Variants in LUZP2 observed in about 807,000 individuals in gnomAD.
LUZP2 encodes the protein leucine zipper protein 2.
Under a neutral mutation model 51.6 loss-of-function variants are expected in LUZP2, and 52 were observed. The ratio of observed to expected loss-of-function variants is 1.01; its 90% CI spans 0.81 to 1.27. The LOEUF (loss-of-function observed/expected upper bound fraction) is 1.27, where lower values mean the gene tolerates loss of function less well. LUZP2 is among the 50% of genes most tolerant of loss of function. The pLI, the probability that LUZP2 is intolerant of heterozygous loss-of-function variation, is 0.00. For missense variants in LUZP2, 436 were observed against 395.4 expected, an observed-to-expected ratio of 1.10 and a Z score of -0.87; for synonymous variants, 154 against 137.3, an observed-to-expected ratio of 1.12 and a Z score of -0.85.
At chr11:24,565,765 C>T (rs1265319656) in intron 1 of LUZP2, among the ~76,000 whole-genome samples, 1 of 152,010 alleles carries the variant, frequency 6.6e-6, no homozygotes, top group Non-Finnish European at 1.5e-5. Flanking sequence ...AGTGCCTTAC[C>T]ACAAACCAAA....
At chr11:24,574,196 T>G (rs914836972) in intron 1 of LUZP2, among the ~76,000 whole-genome samples, 1 of 140,006 alleles carries the variant, frequency 7.1e-6, no homozygotes, top group East Asian at 2.1e-4. Context: ...CTTTCTTTCT[T>G]TCTCTTTCTT....
chr11:24,820,113 A>T (rs1850312497), intron 5 of LUZP2, among the ~76,000 whole-genome samples: 1 of 152,142 alleles, frequency 6.6e-6, no homozygotes, highest in East Asian at 1.9e-4. Flanking sequence ...TAGTGAGACA[A>T]AAGAAAAAAA....
chr11:24,657,471 A>G (rs1021781133), intron 1 of LUZP2, among the ~76,000 whole-genome samples: 9 of 152,340 alleles, frequency 5.9e-5, no homozygotes, highest in African/African-American at 1.9e-4. Context: ...AGCCAATATC[A>G]TAATGAATGG....
intron 5 of LUZP2, among the ~76,000 whole-genome samples, chr11:24,796,269 T>C (rs1360335514): frequency 6.6e-6 from 1 of 152,086 alleles, no homozygotes; most frequent in East Asian, 1.9e-4. Flanking sequence ...CATGGGTTAG[T>C]CTTTTTGAAT....
At chr11:24,600,174 AACACACACACACAC>A (rs61439379) in intron 1 of LUZP2, among the ~76,000 whole-genome samples, 2,398 of 144,178 alleles carry the variant, frequency 0.017, 53 homozygotes, top group African/African-American at 0.056. Flanking sequence ...TGTAGATTAC[AACACACACACACAC>A]ACACACACAC....
chr11:24,641,197 G>A (rs550217010), intron 1 of LUZP2, among the ~76,000 whole-genome samples: 12 of 151,272 alleles, frequency 7.9e-5, no homozygotes, highest in East Asian at 3.9e-4. Context: ...TTACAGACAT[G>A]AGCCATCTTA....
chr11:25,001,983 G>A (rs951560971), intron 9 of LUZP2, among the ~76,000 whole-genome samples: 2 of 152,212 alleles, frequency 1.3e-5, no homozygotes, highest in South Asian at 4.1e-4. Context: ...TTGGGTTTTT[G>A]CACTGAGTGC....
intron 9 of LUZP2, among the ~76,000 whole-genome samples, chr11:24,995,155 G>C (rs561742115): frequency 2.0e-5 from 3 of 152,278 alleles, no homozygotes; most frequent in African/African-American, 7.2e-5. Flanking sequence ...TTTGGAGGCC[G>C]AGGCAGGTGA....
chr11:24,854,564 G>T (rs1459301662), intron 5 of LUZP2, among the ~76,000 whole-genome samples: 4 of 152,100 alleles, frequency 2.6e-5, no homozygotes, highest in African/African-American at 7.2e-5. Context: ...CTCCATGGGG[G>T]TGGGATCCGC....
At chr11:24,803,996 G>GA (rs75845899) in intron 5 of LUZP2, among the ~76,000 whole-genome samples, 8,859 of 106,024 alleles carry the variant, frequency 0.084, 646 homozygotes, top group African/African-American at 0.19. Context: ...TGCCATAAAG[G>GA]AAAAAAAAAA....
chr11:24,867,641 A>C (rs1330960325), intron 5 of LUZP2, among the ~76,000 whole-genome samples: 1 of 152,104 alleles, frequency 6.6e-6, no homozygotes, highest in East Asian at 1.9e-4. Flanking sequence ...ACAGGGTCTC[A>C]CTGTTTCTAA....
intron 1 of LUZP2, among the ~76,000 whole-genome samples, chr11:24,640,242 G>A (rs930874282): frequency 6.6e-6 from 1 of 151,918 alleles, no homozygotes; most frequent in Non-Finnish European, 1.5e-5. Flanking sequence ...AAAGACTCCT[G>A]TGTATGTTTA....
In LUZP2 at chr11:24,984,548, AT is replaced by A. The variant is rs777834692; in HGVS notation, c.765+1256del. ...TTTATATATATATATATATATATAT[AT>A]AATTGTGAATTTTAAAAGCCACAAG... On this transcript the variant is annotated intron_variant, in intron 9 of 11. Coordinates refer to ENST00000336930, the MANE Select transcript of LUZP2 (RefSeq NM_001009909.4). Among the ~76,000 whole-genome samples, 377 of 110,920 alleles carry A rather than the reference AT, an allele frequency of 3.4e-3. 9 individuals carry two copies. The highest frequency in any genetic ancestry group is 4.8e-3 in the Non-Finnish European group (266 of 55,938). The allele number at this position is 110,920 out of a possible 152,430, so 72.8% of individuals were successfully genotyped here. A position where few individuals can be genotyped will look rare whatever the true frequency, so the allele number is the denominator to read the frequency against.
At chr11:24,499,484 T>C (rs938225019) in intron 1 of LUZP2, among the ~76,000 whole-genome samples, 5 of 152,214 alleles carry the variant, frequency 3.3e-5, no homozygotes, top group Non-Finnish European at 7.3e-5. Flanking sequence ...ACAGTTGTGT[T>C]AGTAGGGATG....
chr11:24,578,078 G>T lies in LUZP2; in HGVS notation c.62+80773G>T, dbSNP rs540743712. Among the ~76,000 whole-genome samples, 4 of 151,950 alleles carry T rather than the reference G, an allele frequency of 2.6e-5. No individual in the cohort carries two copies. The South Asian group carries it at 8.3e-4, about 32-fold the overall frequency. Reference sequence around the variant, plus strand: ...TCATACAATGTTTTCTTTCTAGACTGGGAGAAAGAAAATGGAAAAACTCAA... The same window carrying T: ...TCATACAATGTTTTCTTTCTAGACTTGGAGAAAGAAAATGGAAAAACTCAA... On this transcript the variant is annotated intron_variant, in intron 1 of 11. Transcript: ENST00000336930.
chr11:25,070,920 C>T (rs926661249), intron 10 of LUZP2, among the ~76,000 whole-genome samples: 19 of 151,900 alleles, frequency 1.3e-4, no homozygotes, highest in African/African-American at 4.6e-4. Flanking sequence ...TGAAAAGGTT[C>T]CCTTCTTTGA....
chr11:24,649,883 A>T (rs1382934078), intron 1 of LUZP2, among the ~76,000 whole-genome samples: 1 of 151,812 alleles, frequency 6.6e-6, no homozygotes, highest in African/African-American at 2.4e-5. Flanking sequence ...AATTAAGTTC[A>T]TTTATTTTTA....
intron 5 of LUZP2, among the ~76,000 whole-genome samples, chr11:24,785,605 G>A (rs1849223166): frequency 1.3e-5 from 2 of 151,858 alleles, no homozygotes; most frequent in Non-Finnish European, 2.9e-5. Flanking sequence ...AGTTTAATGA[G>A]CTTGACAAGA....
intron 7 of LUZP2, among the ~76,000 whole-genome samples, chr11:24,947,738 G>A (rs1172977285): frequency 6.6e-6 from 1 of 151,548 alleles, no homozygotes; most frequent in South Asian, 2.1e-4. Flanking sequence ...AAAATCGTTG[G>A]GTGATATCTG....
Sources: allele counts gnomAD v4.1 joint callset (sites outside exome capture counted in the v4.1 genomes callset), GRCh38; gene constraint gnomAD v4.1.1; transcripts MANE v1.5; gene names NCBI Gene and HGNC (gene_info 2026-07-23, HGNC 2026-07-21).